AKAP19: variants seen among roughly 807,000 people sequenced by gnomAD.
AKAP19 encodes small A-kinase anchoring protein.
At chr2:190,202,882 T>C in the AKAP19 span, 3 of 167,118 alleles carry the variant, frequency 1.8e-5, no homozygotes, top group Non-Finnish European at 4.4e-5. Context: ...TTGTCGCTTA[T>C]GTACTGTTGT....
the AKAP19 span, among the ~76,000 whole-genome samples, chr2:189,963,765 T>C: frequency 6.8e-6 from 1 of 146,800 alleles, no homozygotes; most frequent in East Asian, 2.0e-4. Flanking sequence ...CTATAATATA[T>C]TTCTTTTTTT....
chr2:190,009,128 A>G, the AKAP19 span, among the ~76,000 whole-genome samples: 10 of 152,166 alleles, frequency 6.6e-5, no homozygotes, highest in Non-Finnish European at 1.3e-4. Flanking sequence ...AAATTCAGGA[A>G]GCACAGCAGG....
At chr2:190,104,016 C>G in the AKAP19 span, among the ~76,000 whole-genome samples, 1 of 152,020 alleles carries the variant, frequency 6.6e-6, no homozygotes, top group Non-Finnish European at 1.5e-5. Context: ...AGAATAGAGA[C>G]CCCAGAAATA....
chr2:189,888,710 A>G, the AKAP19 span, among the ~76,000 whole-genome samples: 1 of 152,094 alleles, frequency 6.6e-6, no homozygotes, highest in Admixed American at 6.5e-5. Context: ...GCAATTGTGA[A>G]TGGGAGTTCA....
the AKAP19 span, chr2:190,089,568 C>T: frequency 6.6e-6 from 1 of 152,134 alleles, no homozygotes; most frequent in East Asian, 1.9e-4. Flanking sequence ...TTGCTACGTA[C>T]ATGAAGCCAG....
At chr2:190,186,788 T>C in the AKAP19 span, among the ~76,000 whole-genome samples, 1 of 152,188 alleles carries the variant, frequency 6.6e-6, no homozygotes. The surrounding 1 kb of genome is among the most constrained non-coding windows in gnomAD (Gnocchi z 5.5). Flanking sequence ...TTAGAGAACA[T>C]ATAATGACAA....
the AKAP19 span, chr2:190,062,073 C>A: frequency 6.1e-6 from 5 of 816,068 alleles, no homozygotes; most frequent in African/African-American, 1.7e-5. Flanking sequence ...AATATATTCT[C>A]ATGCAATCTT....
chr2:190,005,270 C>T, the AKAP19 span, among the ~76,000 whole-genome samples: 7 of 152,286 alleles, frequency 4.6e-5, no homozygotes, highest in Non-Finnish European at 7.4e-5. Flanking sequence ...AGCTTTTATT[C>T]CCTTATTTGA....
At chr2:189,980,433 G>GGTTCAA in the AKAP19 span, among the ~76,000 whole-genome samples, 2 of 152,136 alleles carry the variant, frequency 1.3e-5, no homozygotes, top group African/African-American at 4.8e-5. Context: ...TCGCCTCCAA[G>GGTTCAA]GTTCAATTCT....
the AKAP19 span, among the ~76,000 whole-genome samples, chr2:189,999,880 A>G: frequency 6.6e-6 from 1 of 152,190 alleles, no homozygotes; most frequent in Non-Finnish European, 1.5e-5. Context: ...ATATGACGTA[A>G]TGTGACTCTT....
the AKAP19 span, among the ~76,000 whole-genome samples, chr2:189,983,882 C>T: frequency 6.6e-6 from 1 of 152,148 alleles, no homozygotes; most frequent in African/African-American, 2.4e-5. Flanking sequence ...TAAAGCTGGG[C>T]ATCCAGGGAA....
At chr2:190,199,694 CAGGT>C in the AKAP19 span, 1 of 1,432,064 alleles carries the variant, frequency 7.0e-7, no homozygotes, top group Middle Eastern at 2.6e-4. Context: ...CTTCTCTTGA[CAGGT>C]AAACACTACA....
At chr2:190,143,080 C>T in the AKAP19 span, among the ~76,000 whole-genome samples, 1 of 151,860 alleles carries the variant, frequency 6.6e-6, no homozygotes, top group African/African-American at 2.4e-5. Context: ...ATGTTAATGA[C>T]CATATAATAA....
At chr2:189,977,494 A>C in the AKAP19 span, among the ~76,000 whole-genome samples, 1 of 152,224 alleles carries the variant, frequency 6.6e-6, no homozygotes, top group African/African-American at 2.4e-5. Context: ...TGATATTACA[A>C]TTTCAAATAT....
At chr2:190,197,922 T>A in the AKAP19 span, among the ~76,000 whole-genome samples, 1 of 152,130 alleles carries the variant, frequency 6.6e-6, no homozygotes, top group Non-Finnish European at 1.5e-5. This position sits in a 1 kb window ranked among gnomAD's most constrained non-coding sequence, Gnocchi z 4.0. Context: ...CTCCAAGTAA[T>A]TTTTTTCAGG....
At chr2:190,127,171 A>G in the AKAP19 span, among the ~76,000 whole-genome samples, 1 of 149,772 alleles carries the variant, frequency 6.7e-6, no homozygotes, top group African/African-American at 2.5e-5. Context: ...GAAAGAACTT[A>G]AGCAATATGT....
chr2:190,159,288 G>A, the AKAP19 span, among the ~76,000 whole-genome samples: 1 of 152,168 alleles, frequency 6.6e-6, no homozygotes, highest in Non-Finnish European at 1.5e-5. Flanking sequence ...TGGAGCAGAA[G>A]GGCAAAGTCC....
the AKAP19 span, among the ~76,000 whole-genome samples, chr2:190,037,142 A>G: frequency 6.6e-6 from 1 of 152,228 alleles, no homozygotes; most frequent in African/African-American, 2.4e-5. Context: ...GGGCTCAGAC[A>G]TCCTTGAAGT....
the AKAP19 span, among the ~76,000 whole-genome samples, chr2:189,919,766 A>G: frequency 6.6e-6 from 1 of 152,158 alleles, no homozygotes; most frequent in Non-Finnish European, 1.5e-5. Context: ...AAGCTGCTAG[A>G]GAAAGCTTCA....
Sources: allele counts gnomAD v4.1 joint callset (sites outside exome capture counted in the v4.1 genomes callset), GRCh38; gene constraint gnomAD v4.1.1; non-coding constraint Gnocchi (gnomAD v3.1); transcripts MANE v1.5; gene names NCBI Gene and HGNC (gene_info 2026-07-23, HGNC 2026-07-21).